Variants in GRID2 observed in about 807,000 individuals in gnomAD.
GRID2 encodes the protein glutamate ionotropic receptor delta type subunit 2.
In GRID2, 33 loss-of-function variants were observed where a neutral mutation model predicts 114.8. The observed-to-expected ratio is 0.29, with a 90% CI of 0.22 to 0.38. The LOEUF is 0.38. Among genes scored for constraint, GRID2 ranks in the 10% least tolerant of loss-of-function variants. The pLI is 1.00. For missense variants in GRID2, 1,184 were observed against 1,257.7 expected, an observed-to-expected ratio of 0.94 and a Z score of 0.89; for synonymous variants, 505 against 449.9, an observed-to-expected ratio of 1.12 and a Z score of -1.55.
intron 2 of GRID2, among the ~76,000 whole-genome samples, chr4:92,907,751 C>T (rs1037788461): frequency 2.3e-4 from 35 of 151,912 alleles, no homozygotes; most frequent in Admixed American, 4.6e-4. Flanking sequence ...CAGCTGGGCA[C>T]GGTGGCTCAT....
chr4:93,750,778 T>A (rs1340022859), intron 14 of GRID2, among the ~76,000 whole-genome samples: 1 of 152,094 alleles, frequency 6.6e-6, no homozygotes, highest in Admixed American at 6.6e-5. Context: ...AAGGTGGTCT[T>A]GACCAGGCAT....
At chr4:93,539,299 A>G (rs1345685788) in intron 13 of GRID2, among the ~76,000 whole-genome samples, 1 of 151,990 alleles carries the variant, frequency 6.6e-6, no homozygotes, top group African/African-American at 2.4e-5. Context: ...AACAAACTGT[A>G]ATTACTTTTC....
At chr4:92,709,069 C>G (rs1735089559) in intron 2 of GRID2, among the ~76,000 whole-genome samples, 2 of 152,118 alleles carry the variant, frequency 1.3e-5, no homozygotes, top group Admixed American at 1.3e-4. Context: ...GAGTCCTGTA[C>G]ATCATGGGCC....
intron 1 of GRID2, among the ~76,000 whole-genome samples, chr4:92,385,652 AT>A (rs1729912224): frequency 6.6e-6 from 1 of 151,298 alleles, no homozygotes; most frequent in South Asian, 2.1e-4. Context: ...AATTTTAGGC[AT>A]TTTACAGTAG....
chr4:92,311,642 T>TG (rs1725713787), intron 1 of GRID2, among the ~76,000 whole-genome samples: 1 of 151,986 alleles, frequency 6.6e-6, no homozygotes, highest in South Asian at 2.1e-4. Flanking sequence ...AGTACCTGAT[T>TG]TTTTTCATAA....
intron 1 of GRID2, among the ~76,000 whole-genome samples, chr4:92,439,640 T>G (rs1055886909): frequency 1.4e-5 from 2 of 144,842 alleles, no homozygotes; most frequent in Admixed American, 6.9e-5. Context: ...TCGTATAGAA[T>G]GATTGGTGAT....
rs544916345 is a variant in GRID2 at position 93,448,310 on chromosome 4, G to A, written c.1546-7352G>A. ...TGAGGTTAAAAACTATAATAAAAGT[G>A]CAAATCTTTCTAGATAGTAAAAGAA... On this transcript the variant is annotated intron_variant, in intron 10 of 15. Coordinates refer to ENST00000282020, the MANE Select transcript of GRID2 (RefSeq NM_001510.4). Among the ~76,000 whole-genome samples the A allele has an allele frequency of 8.6e-5, 13 of 151,798 alleles. No homozygotes were observed. In the East Asian group the frequency reaches 1.4e-3, roughly 16 times the overall value.
intron 8 of GRID2, among the ~76,000 whole-genome samples, chr4:93,311,340 G>T (rs926804670): frequency 3.3e-5 from 5 of 152,154 alleles, no homozygotes; most frequent in Admixed American, 2.6e-4. Flanking sequence ...TCCAGTGGCT[G>T]TCTTGAATAA....
intron 2 of GRID2, among the ~76,000 whole-genome samples, chr4:92,800,364 G>A (rs933620680): frequency 6.6e-6 from 1 of 151,876 alleles, no homozygotes; most frequent in African/African-American, 2.4e-5. Flanking sequence ...AAAGCAACTC[G>A]AAGAGGTAGC....
intron 2 of GRID2, among the ~76,000 whole-genome samples, chr4:92,847,751 A>ACCC (rs1743443257): frequency 6.6e-6 from 1 of 152,054 alleles, no homozygotes; most frequent in African/African-American, 2.4e-5. Flanking sequence ...ATGGAATGGA[A>ACCC]TCAAATAAAA....
intron 4 of GRID2, among the ~76,000 whole-genome samples, chr4:93,117,634 A>T (rs1180031982): frequency 1.3e-5 from 2 of 151,966 alleles, no homozygotes; most frequent in Non-Finnish European, 2.9e-5. Context: ...TTCTCTATCT[A>T]TTTATTTAGT....
At chr4:93,425,855 C>T (rs6820985) in intron 10 of GRID2, among the ~76,000 whole-genome samples, 3 of 152,048 alleles carry the variant, frequency 2.0e-5, no homozygotes, top group Non-Finnish European at 4.4e-5. Flanking sequence ...GGCTCTACCC[C>T]GTGCAGTTAT....
chr4:92,388,987 G>A (rs1016937176), intron 1 of GRID2, among the ~76,000 whole-genome samples: 1 of 152,010 alleles, frequency 6.6e-6, no homozygotes, highest in African/African-American at 2.4e-5. Context: ...TACACTTTAA[G>A]TAGCATCACA....
intron 4 of GRID2, among the ~76,000 whole-genome samples, chr4:93,178,192 C>G (rs1322078332): frequency 6.6e-6 from 1 of 151,546 alleles, no homozygotes; most frequent in Non-Finnish European, 1.5e-5. Context: ...CTACTGTATC[C>G]TCTTTGTCAC....
chr4:93,621,072 T>C (rs1456895924), intron 13 of GRID2, among the ~76,000 whole-genome samples: 1 of 152,130 alleles, frequency 6.6e-6, no homozygotes, highest in Non-Finnish European at 1.5e-5. Flanking sequence ...ACCTTTATAT[T>C]CCTTATAGAC....
intron 8 of GRID2, among the ~76,000 whole-genome samples, chr4:93,262,774 C>T (rs1023815532): frequency 4.0e-5 from 6 of 151,154 alleles, no homozygotes; most frequent in African/African-American, 1.5e-4. Context: ...ATTTTTTGGC[C>T]TTTTCCATTT....
chr4:92,740,715 G>A (rs1433895008), intron 2 of GRID2, among the ~76,000 whole-genome samples: 5 of 88,584 alleles, frequency 5.6e-5, no homozygotes, highest in Non-Finnish European at 1.0e-4. Flanking sequence ...TAGATAGATA[G>A]ATAGATAGAT....
At chr4:93,534,243 A>ACTTACTAAT (rs1477283448) in intron 13 of GRID2, among the ~76,000 whole-genome samples, 1 of 152,064 alleles carries the variant, frequency 6.6e-6, no homozygotes, top group East Asian at 1.9e-4. Context: ...AGCATATGTC[A>ACTTACTAAT]CTTACTAATA....
chr4:92,375,683 A>T (rs1729322799), intron 1 of GRID2, among the ~76,000 whole-genome samples: 1 of 152,198 alleles, frequency 6.6e-6, no homozygotes, highest in African/African-American at 2.4e-5. Flanking sequence ...GAAATATCAC[A>T]AATTAATAAA....
Sources: gnomAD v4.1 joint callset for allele counts (sites outside exome capture counted in the v4.1 genomes callset) on GRCh38, gnomAD v4.1.1 for gene constraint, MANE v1.5 for transcripts, NCBI Gene and HGNC (gene_info 2026-07-23, HGNC 2026-07-21) for gene names.